ANKRD11: variants seen among roughly 807,000 people sequenced by gnomAD.
The protein encoded by ANKRD11 is ankyrin repeat domain-containing protein 11.
A neutral mutation model predicts 195.7 loss-of-function variants in ANKRD11; 17 were observed. The ratio of observed to expected loss-of-function variants is 0.09; its 90% CI spans 0.06 to 0.13. The LOEUF is 0.13. ANKRD11 is among the 10% of genes least tolerant of loss of function. The pLI is 1.00. For synonymous variants in ANKRD11, 1,953 were observed against 1,528.1 expected (o/e 1.28, Z -6.49); for missense variants, 3,735 against 3,566.1 (o/e 1.05, Z -1.21).
At chr16:89,373,985 G>C (rs891559185) in intron 2 of ANKRD11, among the ~76,000 whole-genome samples, 1 of 152,242 alleles carries the variant, frequency 6.6e-6, no homozygotes, top group Non-Finnish European at 1.5e-5. Context: ...CTCCAGAAGG[G>C]TCTGACGACC....
At chr16:89,357,268 TAAA>T in intron 2 of ANKRD11, among the ~76,000 whole-genome samples, 1 of 152,156 alleles carries the variant, frequency 6.6e-6, no homozygotes, top group East Asian at 1.9e-4. Context: ...AATCTGCTGA[TAAA>T]AGTCACACCA....
chr16:89,330,324 C>T (rs865814071), intron 2 of ANKRD11, among the ~76,000 whole-genome samples: 4 of 152,006 alleles, frequency 2.6e-5, no homozygotes, highest in African/African-American at 7.2e-5. Flanking sequence ...TGGGAAGGCT[C>T]GGGAGACCTG....
intron 2 of ANKRD11, chr16:89,324,491 T>C (rs2037575563): frequency 4.4e-6 from 2 of 456,414 alleles, no homozygotes; most frequent in Middle Eastern, 3.2e-4. Context: ...TGTGTAACTG[T>C]TCCTGGGAGC....
At chr16:89,289,394 T>C (rs956509372) in intron 6 of ANKRD11, among the ~76,000 whole-genome samples, 2 of 152,260 alleles carry the variant, frequency 1.3e-5, no homozygotes, top group East Asian at 3.8e-4. Flanking sequence ...CTGTTCCCCT[T>C]ACACTGTGGA....
chr16:89,319,338 A>G (rs902375469), intron 2 of ANKRD11, among the ~76,000 whole-genome samples: 1 of 152,096 alleles, frequency 6.6e-6, no homozygotes, highest in Admixed American at 6.5e-5. Flanking sequence ...ACCTTCCCCA[A>G]TGGACCAGGG....
chr16:89,468,655 C>A (rs1279314154), intron 1 of ANKRD11, among the ~76,000 whole-genome samples: 1 of 151,996 alleles, frequency 6.6e-6, no homozygotes, highest in East Asian at 1.9e-4. Flanking sequence ...TGCAGTGAGC[C>A]GAGATCGCGC....
chr16:89,429,033 G>A (rs1597375747), intron 1 of ANKRD11, among the ~76,000 whole-genome samples: 1 of 152,232 alleles, frequency 6.6e-6, no homozygotes, highest in Non-Finnish European at 1.5e-5. Context: ...GGGGGTTGGG[G>A]GGAGGGAAGG....
intron 2 of ANKRD11, among the ~76,000 whole-genome samples, chr16:89,350,639 T>C (rs549909906): frequency 1.3e-5 from 2 of 152,182 alleles, no homozygotes; most frequent in African/African-American, 4.8e-5. Context: ...GTCCAGGAAA[T>C]AGGATGACAT....
At chr16:89,415,508 C>T (rs1396708352) in intron 2 of ANKRD11, among the ~76,000 whole-genome samples, 9 of 151,364 alleles carry the variant, frequency 5.9e-5, no homozygotes, top group Non-Finnish European at 2.9e-5. Flanking sequence ...TCATGATCCA[C>T]CCGCCTCGGC....
chr16:89,385,746 T>C (rs1228818693), intron 2 of ANKRD11, among the ~76,000 whole-genome samples: 2 of 152,272 alleles, frequency 1.3e-5, no homozygotes, highest in Admixed American at 1.3e-4. Flanking sequence ...CTTTCACGTC[T>C]GACGACAGAA....
intron 2 of ANKRD11, among the ~76,000 whole-genome samples, chr16:89,332,362 C>T (rs542300583): frequency 3.0e-4 from 45 of 152,318 alleles, no homozygotes; most frequent in Admixed American, 7.2e-4. Context: ...TGGGCTGTAC[C>T]TTTTCAGAAA....
At chr16:89,453,346 T>C (rs2056279264) in intron 1 of ANKRD11, among the ~76,000 whole-genome samples, 1 of 152,176 alleles carries the variant, frequency 6.6e-6, no homozygotes, top group Non-Finnish European at 1.5e-5. Flanking sequence ...CAACTTAAAA[T>C]GGAAGAGGAA....
intron 2 of ANKRD11, among the ~76,000 whole-genome samples, chr16:89,411,692 C>T (rs1567768404): frequency 6.6e-6 from 1 of 152,050 alleles, no homozygotes; most frequent in South Asian, 2.1e-4. Flanking sequence ...GGGATTACGG[C>T]CAGTTTACAT....
chr16:89,289,818 A>G (rs909143577), intron 6 of ANKRD11, among the ~76,000 whole-genome samples: 1 of 152,194 alleles, frequency 6.6e-6, no homozygotes, highest in Non-Finnish European at 1.5e-5. Flanking sequence ...AGGCGTGAGG[A>G]CTGCTTGAGG....
At chr16:89,460,094 T>C (rs940514963) in intron 1 of ANKRD11, among the ~76,000 whole-genome samples, 12 of 151,302 alleles carry the variant, frequency 7.9e-5, no homozygotes, top group South Asian at 4.2e-4. Flanking sequence ...AAGAATTAGC[T>C]GGGCGTGGTG....
chr16:89,372,581 A>G (rs2040241401), intron 2 of ANKRD11, among the ~76,000 whole-genome samples: 1 of 152,212 alleles, frequency 6.6e-6, no homozygotes, highest in Admixed American at 6.5e-5. Flanking sequence ...TAAAATACTA[A>G]CATTAAGATA....
chr16:89,388,209 C>T (rs907084925), intron 2 of ANKRD11, among the ~76,000 whole-genome samples: 6 of 151,964 alleles, frequency 3.9e-5, no homozygotes, highest in African/African-American at 1.5e-4. Context: ...TATTCACCAC[C>T]ACAAAGACCT....
At chr16:89,431,158 T>A (rs1489581673) in intron 1 of ANKRD11, 1 of 152,140 alleles carries the variant, frequency 6.6e-6, no homozygotes, top group East Asian at 1.9e-4. Flanking sequence ...TATTAAGAAT[T>A]GTTTACAGAA....
chr16:89,366,418 G>A (rs531914282), intron 2 of ANKRD11, among the ~76,000 whole-genome samples: 1 of 152,266 alleles, frequency 6.6e-6, no homozygotes, highest in East Asian at 1.9e-4. Context: ...GCTTTCCACA[G>A]GGTTGAACTA....
Sources: allele counts gnomAD v4.1 joint callset (sites outside exome capture counted in the v4.1 genomes callset), GRCh38; gene constraint gnomAD v4.1.1; transcripts MANE v1.5; gene names NCBI Gene and HGNC (gene_info 2026-07-23, HGNC 2026-07-21).